EML6: variants seen among roughly 807,000 people sequenced by gnomAD.
The protein encoded by EML6 is EMAP like 6.
Under a neutral mutation model 240.1 loss-of-function variants are expected in EML6, and 154 were observed. That is an observed-to-expected ratio of 0.64 (90% confidence interval 0.56 to 0.73). EML6 has a LOEUF of 0.73. Ranked by LOEUF, EML6 falls within the 30% of genes least tolerant of loss-of-function variation. The pLI is 0.00. For missense variants in EML6, 2,964 were observed against 2,474.6 expected, an observed-to-expected ratio of 1.20 and a Z score of -4.20; for synonymous variants, 1,148 against 899.0, an observed-to-expected ratio of 1.28 and a Z score of -4.95.
chr2:54,912,282 C>A (rs1402546521), intron 25 of EML6, among the ~76,000 whole-genome samples: 2 of 152,188 alleles, frequency 1.3e-5, no homozygotes, highest in African/African-American at 4.8e-5. Context: ...TGTCTCTGAT[C>A]CGTCCTCTTT....
At chr2:54,837,187 T>C (rs760072772) in intron 7 of EML6, among the ~76,000 whole-genome samples, 6 of 152,184 alleles carry the variant, frequency 3.9e-5, no homozygotes, top group Non-Finnish European at 5.9e-5. Context: ...AGCCACAACC[T>C]TGTCTTGTTT....
At chr2:54,809,765 G>C (rs1293873071) in intron 2 of EML6, among the ~76,000 whole-genome samples, 1 of 152,100 alleles carries the variant, frequency 6.6e-6, no homozygotes, top group African/African-American at 2.4e-5. Context: ...TGCAAATCTA[G>C]TGAGTAAAGT....
intron 12 of EML6, among the ~76,000 whole-genome samples, chr2:54,859,956 A>G (rs1013544135): frequency 2.0e-5 from 3 of 152,222 alleles, no homozygotes; most frequent in Non-Finnish European, 2.9e-5. Context: ...ATGTCAGAAT[A>G]GGAAGCTCCT....
At chr2:54,902,237 T>C (rs1201164870) in intron 22 of EML6, among the ~76,000 whole-genome samples, 1 of 152,236 alleles carries the variant, frequency 6.6e-6, no homozygotes, top group African/African-American at 2.4e-5. Context: ...GAAGCAAAGA[T>C]ACTGGTCCTA....
intron 5 of EML6, among the ~76,000 whole-genome samples, chr2:54,825,171 T>C (rs534258216): frequency 9.2e-5 from 14 of 152,146 alleles, no homozygotes; most frequent in South Asian, 2.1e-4. Flanking sequence ...TATCCAAAGT[T>C]AAAGGACAAA....
chr2:54,961,940 G>T (rs1243038112), intron 35 of EML6, among the ~76,000 whole-genome samples: 1 of 151,680 alleles, frequency 6.6e-6, no homozygotes, highest in Non-Finnish European at 1.5e-5. Context: ...GGAGGCAGAG[G>T]TTGCAGTGAG....
chr2:54,965,767 G>A (rs189911744), intron 38 of EML6, among the ~76,000 whole-genome samples: 190 of 152,310 alleles, frequency 1.2e-3, no homozygotes, highest in African/African-American at 4.4e-3. Flanking sequence ...TATCTCAAGC[G>A]CTGAATTTAG....
intron 32 of EML6, among the ~76,000 whole-genome samples, chr2:54,955,970 G>A (rs1405015324): frequency 1.3e-5 from 2 of 152,148 alleles, no homozygotes; most frequent in East Asian, 3.9e-4. Flanking sequence ...TGTATCACTA[G>A]AGAGCCTATT....
intron 2 of EML6, among the ~76,000 whole-genome samples, chr2:54,773,322 A>C (rs1000016846): frequency 9.2e-5 from 14 of 152,250 alleles, no homozygotes; most frequent in Non-Finnish European, 1.3e-4. Context: ...GGGCAGCAAG[A>C]CACTAGGACA....
chr2:54,776,934 T>A (rs987972110), intron 2 of EML6, among the ~76,000 whole-genome samples: 1 of 152,214 alleles, frequency 6.6e-6, no homozygotes, highest in Non-Finnish European at 1.5e-5. Context: ...TTTATCCTAA[T>A]AAATTTAAGA....
chr2:54,905,135 A>G (rs1165087126), intron 24 of EML6, among the ~76,000 whole-genome samples: 1 of 152,106 alleles, frequency 6.6e-6, no homozygotes, highest in East Asian at 1.9e-4. Flanking sequence ...TTTGACCGGC[A>G]TTTATGACCA....
At chr2:54,918,586 A>G (rs1004849555) in intron 26 of EML6, among the ~76,000 whole-genome samples, 8 of 152,142 alleles carry the variant, frequency 5.3e-5, no homozygotes, top group South Asian at 2.1e-4. Flanking sequence ...GACTCAAACA[A>G]TCCTCCCACC....
chr2:54,948,889 G>A lies in EML6; in HGVS notation c.4012G>A (p.Val1338Ile), dbSNP rs1016476981. Reference sequence around the variant, plus strand: ...GGCCGCTCTCTCTTCCAGACCACCCGTTAGCCGAGCAGCTCCCCAGCCTGA... The same window carrying A: ...GGCCGCTCTCTCTTCCAGACCACCCATTAGCCGAGCAGCTCCCCAGCCTGA... Reference protein sequence around the residue: ...KEVSVEERPPVSRAAPQPEKL... With the variant: ...KEVSVEERPPISRAAPQPEKL... Residue 1338 changes from valine (V) to isoleucine (I), a missense_variant, in exon 29 of 42, where the codon GTT (valine) becomes ATT (isoleucine). Transcript: ENST00000356458. The A allele has an allele frequency of 1.3e-5, 20 of 1,551,200 alleles. No homozygotes were observed. Among genetic ancestry groups the A allele is most frequent in the African/African-American group, 5.5e-5 (4 of 73,036 alleles).
chr2:54,928,684 G>A lies in EML6; in HGVS notation c.3937G>A (p.Val1313Met), dbSNP rs1674692171. 6.4e-7 allele frequency: 1 copy of A among 1,551,910 alleles called. No individual in the cohort carries two copies. Among genetic ancestry groups the A allele is most frequent in the South Asian group, 1.2e-5 (1 of 84,058 alleles). Residue 1313 changes from valine to methionine, a missense_variant, in exon 28 of 42, where the codon GTG becomes ATG. Coordinates refer to ENST00000356458, the MANE Select transcript of EML6 (RefSeq NM_001039753.4). The stretch of plus-strand genomic sequence containing the variant: ...TGACTACACCACCAAGATTTATGCT[G>A]TGAGCATCAGGGAAATGGAAGGCAC... ...AIDYTTKIYA[V>M]SIREMEGTKP... is the part of the protein sequence containing the mutation.
intron 28 of EML6, among the ~76,000 whole-genome samples, chr2:54,938,097 G>A (rs565983929): frequency 6.6e-6 from 1 of 152,336 alleles, no homozygotes; most frequent in African/African-American, 2.4e-5. Context: ...TGTAATCCTA[G>A]CACATTGGGA....
chr2:54,749,073 A>T (rs1203707932), intron 2 of EML6, among the ~76,000 whole-genome samples: 1 of 152,218 alleles, frequency 6.6e-6, no homozygotes, highest in Non-Finnish European at 1.5e-5. Context: ...GTATTGTGAT[A>T]GATGTTGACA....
intron 26 of EML6, among the ~76,000 whole-genome samples, chr2:54,927,488 A>T (rs1674617321): frequency 6.6e-6 from 1 of 152,160 alleles, no homozygotes; most frequent in South Asian, 2.1e-4. Context: ...GGAGTCGCTG[A>T]GAGGATGGAA....
At chr2:54,884,905 G>T (rs951953020) in intron 17 of EML6, among the ~76,000 whole-genome samples, 2 of 152,168 alleles carry the variant, frequency 1.3e-5, no homozygotes, top group African/African-American at 4.8e-5. Flanking sequence ...TGGGCATGGG[G>T]GCTCATGCCT....
At position 54,968,238 on chromosome 2, in the gene EML6, T is replaced by G. The variant is rs1676835287; in HGVS notation, c.5708T>G (p.Phe1903Cys). The G allele has an allele frequency of 1.3e-5, 20 of 1,551,620 alleles. No individual in the cohort carries two copies. Among genetic ancestry groups the G allele is most frequent in the Non-Finnish European group, 1.7e-5 (20 of 1,146,998 alleles). The change falls in exon 40 of 42, where the codon TTT becomes TGT. Residue 1903 changes from phenylalanine to cysteine, a missense_variant. Transcript: ENST00000356458. ...AGLNIVTGDD[F>C]GLVKLFDFPC... ...CTGAACATTGTCACAGGAGATGACT[T>G]TGGGCTGGTGAAGCTCTTTGATTTT... is the stretch of plus-strand genomic sequence containing the variant.
Sources: allele counts gnomAD v4.1 joint callset (sites outside exome capture counted in the v4.1 genomes callset), GRCh38; gene constraint gnomAD v4.1.1; transcripts MANE v1.5; gene names NCBI Gene and HGNC (gene_info 2026-07-23, HGNC 2026-07-21).